The following RGPD3 variants were observed in gnomAD, a reference collection of about 807,000 sequenced individuals.
RGPD3 encodes ranBP2-like and GRIP domain-containing protein 3.
Under a neutral mutation model 154.5 loss-of-function variants are expected in RGPD3, and 62 were observed. That is an observed-to-expected ratio of 0.40 (90% CI 0.33 to 0.50). The LOEUF (loss-of-function observed/expected upper bound fraction) is 0.50, where lower values mean the gene tolerates loss of function less well. Ranked by LOEUF, RGPD3 falls within the 20% of genes least tolerant of loss-of-function variation. RGPD3 has a pLI of 0.59. For missense variants in RGPD3, 919 were observed against 1,716.8 expected, an observed-to-expected ratio of 0.54 and a Z score of 8.21; for synonymous variants, 308 against 607.0, an observed-to-expected ratio of 0.51 and a Z score of 7.24.
At chr2:106,408,562 C>A (rs1250059624) in intron 22 of RGPD3, among the ~76,000 whole-genome samples, 2 of 139,648 alleles carry the variant, frequency 1.4e-5, no homozygotes, top group African/African-American at 5.1e-5. Flanking sequence ...AGGTATTTAC[C>A]AACACTCATG....
intron 1 of RGPD3, among the ~76,000 whole-genome samples, chr2:106,461,868 A>C (rs2104518947): frequency 6.6e-6 from 1 of 152,186 alleles, no homozygotes; most frequent in African/African-American, 2.4e-5. Context: ...AACAAAAATA[A>C]TACACAACAG....
chr2:106,427,332 C>A (rs1247645893), intron 18 of RGPD3, among the ~76,000 whole-genome samples: 1 of 151,688 alleles, frequency 6.6e-6, no homozygotes, highest in Non-Finnish European at 1.5e-5. Context: ...CTGACAAATT[C>A]ATGCACAGGA....
At chr2:106,441,657 C>T (rs541794643) in intron 7 of RGPD3, among the ~76,000 whole-genome samples, 1 of 149,658 alleles carries the variant, frequency 6.7e-6, no homozygotes, top group African/African-American at 2.5e-5. Flanking sequence ...GAGTTCGAGA[C>T]CAGCCTGGCC....
chr2:106,447,954 G>C (rs1558855445), intron 6 of RGPD3, among the ~76,000 whole-genome samples: 1 of 151,650 alleles, frequency 6.6e-6, no homozygotes, highest in Non-Finnish European at 1.5e-5. Flanking sequence ...GTTTCTTCCT[G>C]ATCATATAAT....
chr2:106,425,320 G>T, intron 19 of RGPD3, 54 bp from the exon 20 acceptor site: 1 of 1,607,570 alleles, frequency 6.2e-7, no homozygotes, highest in South Asian at 1.1e-5. Context: ...AAATAGTCAT[G>T]AAATACATAC....
chr2:106,438,327 A>G (rs1390391447), intron 9 of RGPD3, among the ~76,000 whole-genome samples: 1 of 136,408 alleles, frequency 7.3e-6, no homozygotes, highest in African/African-American at 2.6e-5. Context: ...TCTACCAATT[A>G]AAAAAAAAAA....
upstream of RGPD3, chr2:106,470,889 A>G (rs1678797003): frequency 4.4e-6 from 7 of 1,594,332 alleles, no homozygotes; most frequent in South Asian, 1.1e-5. Flanking sequence ...TGTGTTGGAC[A>G]TCGTCAGAGA....
chr2:106,413,654 C>T (rs1573241264), intron 21 of RGPD3, among the ~76,000 whole-genome samples: 1 of 152,212 alleles, frequency 6.6e-6, no homozygotes, highest in African/African-American at 2.4e-5. Flanking sequence ...CAAGCTAATA[C>T]AAGAGGAGAA....
chr2:106,418,766 C>T (rs1676891310), intron 20 of RGPD3, among the ~76,000 whole-genome samples: 1 of 149,066 alleles, frequency 6.7e-6, no homozygotes, highest in Admixed American at 6.7e-5. Context: ...TGGGATTTCA[C>T]CATGTTGTTC....
At chr2:106,466,137 G>C (rs555539635) in intron 1 of RGPD3, among the ~76,000 whole-genome samples, 1 of 152,068 alleles carries the variant, frequency 6.6e-6, no homozygotes, top group Admixed American at 6.5e-5. Flanking sequence ...GGCCAGGACG[G>C]GCCCAGGAGC....
chr2:106,467,777 C>A (rs1678677730), intron 1 of RGPD3, among the ~76,000 whole-genome samples: 2 of 143,430 alleles, frequency 1.4e-5, no homozygotes, highest in Non-Finnish European at 1.5e-5. Flanking sequence ...GACGCCTGAG[C>A]CATCAAGGCA....
At position 106,403,454 on chromosome 2, in the gene RGPD3, C is replaced by T. The variant is rs1437590087; in HGVS notation, c.*1765G>A. ...AATATTAAAATAATCATTACACTTC[C>T]TCTCATTGCAGAAACCATGAAAGAA... is the stretch of plus-strand genomic sequence containing the variant. On this transcript the variant is annotated 3_prime_UTR_variant, in exon 23 of 23. Transcript: ENST00000409886. 2.0e-5 allele frequency among the ~76,000 whole-genome samples: 3 copies of T among 152,036 alleles called. No homozygotes were observed. The highest frequency in any genetic ancestry group is 4.4e-5 in the Non-Finnish European group (3 of 67,998).
intron 7 of RGPD3, among the ~76,000 whole-genome samples, chr2:106,446,352 G>A (rs1255248335): frequency 1.3e-5 from 2 of 151,960 alleles, no homozygotes; most frequent in African/African-American, 4.8e-5. Flanking sequence ...TGGATGACTA[G>A]GTCAGGAGAT....
At chr2:106,415,724 T>C (rs1676808882) in intron 21 of RGPD3, 126 bp downstream of exon 21, 1 of 768,464 alleles carries the variant, frequency 1.3e-6, no homozygotes, top group Admixed American at 2.7e-5. Context: ...ATCAGGAATC[T>C]AATATAAAGA....
At chr2:106,465,296 CAA>C (rs758797529) in intron 1 of RGPD3, among the ~76,000 whole-genome samples, 8 of 152,196 alleles carry the variant, frequency 5.3e-5, no homozygotes, top group Middle Eastern at 3.4e-3. Flanking sequence ...TCACATGTTC[CAA>C]AGTTACTCAC....
rs1166971652 is a variant in RGPD3, at chr2:106,441,863, C to CAAAAAAAAAAA, written c.979-494_979-484dup. On this transcript the variant is annotated intron_variant, in intron 7 of 22. Coordinates refer to ENST00000409886, the MANE Select transcript of RGPD3 (RefSeq NM_001144013.2). ...TGGGTGAAAGAGTGAGACTCCATCGCAAAAAAAAAAAAAAAAAAAAAAAAA... is the reference window on the plus strand; with the variant it reads ...TGGGTGAAAGAGTGAGACTCCATCGCAAAAAAAAAAAAAAAAAAAAAAAAAAAAAAAAAAAA... Among the ~76,000 whole-genome samples the CAAAAAAAAAAA allele has an allele frequency of 3.7e-3, 51 of 13,636 alleles. 7 individuals carry two copies. Among genetic ancestry groups the CAAAAAAAAAAA allele is most frequent in the Non-Finnish European group, 4.7e-3 (38 of 8,116 alleles). 8.9% of individuals were successfully genotyped at this position (13,636 alleles called of 152,430 possible).
intron 1 of RGPD3, among the ~76,000 whole-genome samples, chr2:106,461,997 C>T (rs1370851086): frequency 6.6e-6 from 1 of 151,962 alleles, no homozygotes; most frequent in African/African-American, 2.4e-5. Context: ...ACTGCAACCT[C>T]TGCCTCCCAG....
intron 22 of RGPD3, among the ~76,000 whole-genome samples, chr2:106,410,211 C>A (rs958824657): frequency 9.2e-5 from 14 of 152,060 alleles, no homozygotes; most frequent in African/African-American, 3.1e-4. Flanking sequence ...TGTAAGGTAT[C>A]TAAATCTGCT....
chr2:106,459,439 T>G (rs534533943), intron 1 of RGPD3, 107 bp from the exon 2 acceptor site: 48 of 521,924 alleles, frequency 9.2e-5, no homozygotes, highest in South Asian at 8.8e-4. Context: ...TATGCCATTT[T>G]CATTCACTTA....
Sources: allele counts gnomAD v4.1 joint callset (sites outside exome capture counted in the v4.1 genomes callset), GRCh38; gene constraint gnomAD v4.1.1; transcripts MANE v1.5; gene names NCBI Gene and HGNC (gene_info 2026-07-23, HGNC 2026-07-21).